The following SMG7 variants were observed in gnomAD, a reference collection of about 807,000 sequenced individuals.
SMG7 encodes the protein SMG7 nonsense mediated mRNA decay factor, also known as nonsense-mediated mRNA decay factor SMG7.
SMG7 carries 34 observed loss-of-function variants against 148.2 expected under a neutral mutation model. The ratio of observed to expected loss-of-function variants is 0.23; its 90% confidence interval spans 0.17 to 0.31. SMG7 has a LOEUF of 0.31. Ranked by LOEUF, SMG7 falls within the 10% of genes least tolerant of loss-of-function variation. The pLI, the probability that SMG7 is intolerant of heterozygous loss-of-function variation, is 1.00. For missense variants in SMG7, 1,114 were observed against 1,408.4 expected, an observed-to-expected ratio of 0.79 and a Z score of 3.35; for synonymous variants, 492 against 515.1, an observed-to-expected ratio of 0.96 and a Z score of 0.61.
intron 10 of SMG7, 60 bp downstream of exon 10, chr1:183,533,892 T>C: frequency 6.9e-7 from 1 of 1,448,618 alleles, no homozygotes; most frequent in Non-Finnish European, 9.5e-7. Context: ...TATCCATAAA[T>C]ATGTAAAAAC....
intron 2 of SMG7, among the ~76,000 whole-genome samples, chr1:183,514,232 A>AAGAATTAAAC: frequency 1.3e-5 from 2 of 151,676 alleles, no homozygotes; most frequent in East Asian, 3.9e-4. Context: ...AAAAAAAAAA[A>AAGAATTAAAC]AGAATTAAAC....
chr1:183,493,604 C>T (rs1204240709), intron 1 of SMG7, among the ~76,000 whole-genome samples: 2 of 152,068 alleles, frequency 1.3e-5, no homozygotes, highest in African/African-American at 2.4e-5. Flanking sequence ...TTTATTGAGA[C>T]GGAGTCTTGC....
chr1:183,536,384 T>TA (rs1558041550), intron 10 of SMG7, among the ~76,000 whole-genome samples: 1 of 152,148 alleles, frequency 6.6e-6, no homozygotes, highest in Non-Finnish European at 1.5e-5. Flanking sequence ...TGCCCTGTCA[T>TA]ATATAATACA....
At position 183,527,957 on chromosome 1, in the gene SMG7, T is replaced by C. The variant is rs957629303; in HGVS notation, c.486T>C (p.Ala162=). The C allele has an allele frequency of 1.2e-6, 2 of 1,612,966 alleles. No individual in the cohort carries two copies. Among genetic ancestry groups the C allele is most frequent in the African/African-American group, 2.7e-5 (2 of 74,880 alleles). The part of the protein sequence containing the change: ...QHCLVHLGDI[A]RYRNQTSQAE... ...TAAAACTAATTTTCTTCTTCTTAGCTCGATACAGAAACCAGACCAGCCAGG... is the reference window on the plus strand; with the variant it reads ...TAAAACTAATTTTCTTCTTCTTAGCCCGATACAGAAACCAGACCAGCCAGG... The change falls in exon 6 of 23, where the codon GCT becomes GCC. Residue 162 remains alanine (A), a splice_region_variant and synonymous_variant. Coordinates refer to ENST00000688051, the MANE Select transcript of SMG7 (RefSeq NM_001375584.1). The surrounding 1 kb of genome is among the most constrained non-coding windows in gnomAD (Gnocchi z 4.0).
At position 183,542,451 on chromosome 1, in the gene SMG7, A is replaced by T. The variant is rs766288903; in HGVS notation, c.1791A>T (p.Lys597Asn). 1 of 1,613,976 alleles carries T rather than the reference A, an allele frequency of 6.2e-7. No individual in the cohort carries two copies. The highest frequency in any genetic ancestry group is 2.2e-5 in the East Asian group (1 of 44,862). ...DNNKRKTETKKCTLEKLQETG... is the reference protein window; with the variant it reads ...DNNKRKTETKNCTLEKLQETG... ...ACAAGAGGAAAACTGAAACCAAGAAATGCACCTTAGAAAAGTTACAGGAAA... is the reference window on the plus strand; with the variant it reads ...ACAAGAGGAAAACTGAAACCAAGAATTGCACCTTAGAAAAGTTACAGGAAA... The change falls in exon 14 of 23, where the codon AAA (lysine) becomes AAT (asparagine). Residue 597 changes from lysine to asparagine, a missense_variant. Coordinates refer to ENST00000688051, the MANE Select transcript of SMG7 (RefSeq NM_001375584.1).
At chr1:183,533,545 G>A (rs920889305) in intron 9 of SMG7, 131 bp from the exon 10 acceptor site, 35 of 903,850 alleles carry the variant, frequency 3.9e-5, no homozygotes, top group Non-Finnish European at 5.3e-5. Flanking sequence ...GGGAAAGAAA[G>A]CGTCTTTTTA....
intron 18 of SMG7, among the ~76,000 whole-genome samples, chr1:183,548,022 A>G (rs1400247974): frequency 6.6e-6 from 1 of 152,184 alleles, no homozygotes; most frequent in Non-Finnish European, 1.5e-5. Flanking sequence ...TAAAACATAA[A>G]AAGATAGTAA....
chr1:183,533,073 G>T, intron 8 of SMG7, 91 bp from the exon 9 acceptor site: 1 of 1,055,202 alleles, frequency 9.5e-7, no homozygotes, highest in Non-Finnish European at 1.4e-6. Flanking sequence ...ACACATGGTG[G>T]TTCTAAATGC....
At chr1:183,472,726 A>T in intron 1 of SMG7, 77 bp downstream of exon 1, 1 of 1,282,664 alleles carries the variant, frequency 7.8e-7, no homozygotes. Flanking sequence ...CACCGAGGTA[A>T]GTCCGGGGTG....
rs1401429031 is a variant in SMG7, at chr1:183,545,083, C to T, written c.2141C>T (p.Ser714Phe). 6.2e-7 allele frequency: 1 copy of T among 1,614,110 alleles called. No individual in the cohort carries two copies. Among genetic ancestry groups the T allele is most frequent in the Non-Finnish European group, 8.5e-7 (1 of 1,180,002 alleles). The part of the protein sequence containing the change: ...AGNQVQAGKQ[S>F]HIPYSQQRPS... Reference sequence around the variant, plus strand: ...AACCAGGTGCAAGCTGGGAAACAGTCCCACATTCCTTACAGCCAGCAACGG... The same window carrying T: ...AACCAGGTGCAAGCTGGGAAACAGTTCCACATTCCTTACAGCCAGCAACGG... The change falls in exon 16 of 23, where the codon TCC (serine) becomes TTC (phenylalanine). Residue 714 changes from serine to phenylalanine, a missense_variant. Transcript: ENST00000688051.
chr1:183,474,505 A>C (rs1651626273), intron 1 of SMG7, among the ~76,000 whole-genome samples: 1 of 152,248 alleles, frequency 6.6e-6, no homozygotes, highest in Non-Finnish European at 1.5e-5. Context: ...CAGAGGTTGC[A>C]GTGAGCCGAG....
chr1:183,478,342 G>A (rs992206624), intron 1 of SMG7, among the ~76,000 whole-genome samples: 2 of 152,136 alleles, frequency 1.3e-5, no homozygotes. Flanking sequence ...TCAGCCAAAG[G>A]TGGTGACATT....
At chr1:183,514,411 A>G (rs1422523091) in intron 2 of SMG7, among the ~76,000 whole-genome samples, 3 of 152,178 alleles carry the variant, frequency 2.0e-5, no homozygotes, top group Non-Finnish European at 4.4e-5. Flanking sequence ...ACTCAGTAAA[A>G]GGTACTACTC....
intron 1 of SMG7, chr1:183,474,010 A>G (rs1195230860): frequency 8.5e-6 from 3 of 352,726 alleles, no homozygotes; most frequent in East Asian, 1.7e-4. Flanking sequence ...CAATGCTTGA[A>G]TGCTTGATTT....
chr1:183,474,284 C>T (rs1190683213), intron 1 of SMG7, among the ~76,000 whole-genome samples: 1 of 152,176 alleles, frequency 6.6e-6, no homozygotes, highest in Non-Finnish European at 1.5e-5. Context: ...CAAACGTTGC[C>T]GGGCACGGGG....
chr1:183,524,570 C>T (rs1432814208), intron 4 of SMG7, among the ~76,000 whole-genome samples: 6 of 152,150 alleles, frequency 3.9e-5, no homozygotes, highest in South Asian at 2.1e-4. Flanking sequence ...AAAAAGGTGG[C>T]ATGATTCAGA....
chr1:183,541,825 T>C (rs1668922330), intron 13 of SMG7, among the ~76,000 whole-genome samples: 2 of 152,212 alleles, frequency 1.3e-5, no homozygotes, highest in African/African-American at 4.8e-5. Context: ...ACTTGAAGCA[T>C]GCTCAGAAAA....
intron 1 of SMG7, among the ~76,000 whole-genome samples, chr1:183,490,334 G>A (rs1201794111): frequency 2.0e-5 from 3 of 152,162 alleles, no homozygotes; most frequent in African/African-American, 7.2e-5. Flanking sequence ...AGGTTGGAAG[G>A]ACTGGAGTAC....
chr1:183,545,713 T>A (rs1205423112), intron 16 of SMG7, among the ~76,000 whole-genome samples: 1 of 152,214 alleles, frequency 6.6e-6, no homozygotes, highest in Non-Finnish European at 1.5e-5. Context: ...ACAAACACTC[T>A]TATGCAAATA....
Sources: gnomAD v4.1 joint callset for allele counts (sites outside exome capture counted in the v4.1 genomes callset) on GRCh38, gnomAD v4.1.1 for gene constraint, Gnocchi (gnomAD v3.1) non-coding constraint, MANE v1.5 for transcripts, NCBI Gene and HGNC (gene_info 2026-07-23, HGNC 2026-07-21) for gene names.